The following ADAMTS19 variants were observed in gnomAD, a reference collection of about 807,000 sequenced individuals.
The protein encoded by ADAMTS19 is A disintegrin and metalloproteinase with thrombospondin motifs 19.
A neutral mutation model predicts 153.3 loss-of-function variants in ADAMTS19; 93 were observed. The observed-to-expected ratio is 0.61, with a 90% CI of 0.51 to 0.72. The LOEUF (loss-of-function observed/expected upper bound fraction) is 0.72. ADAMTS19 is among the 30% of genes least tolerant of loss of function. ADAMTS19 has a pLI of 0.00. For synonymous variants in ADAMTS19, 600 were observed against 556.6 expected (o/e 1.08, Z -1.10); for missense variants, 1,482 against 1,552.1 (o/e 0.95, Z 0.76).
Position 129,524,291 on chromosome 5 carries a change from A to G in ADAMTS19, c.914-1993A>G, listed in dbSNP as rs115043510. On this transcript the variant is annotated intron_variant, in intron 3 of 22. Transcript: ENST00000274487. ...AAACTGGACCCCTTCCTTACACACTATACAAAAATTCACTCAAGATAGATT... is the reference window on the plus strand; with the variant it reads ...AAACTGGACCCCTTCCTTACACACTGTACAAAAATTCACTCAAGATAGATT... Among the ~76,000 whole-genome samples, 471 of 152,256 alleles carry G rather than the reference A, an allele frequency of 3.1e-3. 2 individuals carry two copies. The highest frequency in any genetic ancestry group is 0.011 in the African/African-American group (457 of 41,554).
At chr5:129,697,441 C>G (rs1581236799) in intron 19 of ADAMTS19, among the ~76,000 whole-genome samples, 1 of 152,258 alleles carries the variant, frequency 6.6e-6, no homozygotes, top group East Asian at 1.9e-4. Context: ...CTCTAACAGT[C>G]CTACCCCAGG....
At chr5:129,547,988 C>T (rs999271967) in intron 6 of ADAMTS19, among the ~76,000 whole-genome samples, 2 of 150,790 alleles carry the variant, frequency 1.3e-5, no homozygotes, top group Admixed American at 6.6e-5. Context: ...AAAGCTGAAA[C>T]TGGATCCCTT....
intron 21 of ADAMTS19, among the ~76,000 whole-genome samples, chr5:129,716,273 C>T (rs886967646): frequency 2.0e-5 from 3 of 152,108 alleles, no homozygotes; most frequent in Non-Finnish European, 4.4e-5. Context: ...TCTCAGCTCA[C>T]TGCATGCCTC....
At chr5:129,619,603 G>C (rs1449925415) in intron 8 of ADAMTS19, among the ~76,000 whole-genome samples, 1 of 152,052 alleles carries the variant, frequency 6.6e-6, no homozygotes, top group Non-Finnish European at 1.5e-5. Flanking sequence ...TAGGCAGATT[G>C]TGTTTTAAAT....
At chr5:129,731,407 A>C (rs1054132964) in intron 21 of ADAMTS19, among the ~76,000 whole-genome samples, 2 of 152,194 alleles carry the variant, frequency 1.3e-5, no homozygotes, top group African/African-American at 4.8e-5. Context: ...ATACAAAGTT[A>C]AAGAAGTAAA....
rs559553455 is a variant in ADAMTS19 at position 129,552,869 on chromosome 5, A to G, written c.1372+962A>G. ...ACATGTATTATTCATAAAACTTATG[A>G]TGGAAAGTAGTTATAATAATGTAAA... On this transcript the variant is annotated intron_variant, in intron 7 of 22. Transcript: ENST00000274487. Among the ~76,000 whole-genome samples the G allele has an allele frequency of 4.6e-5, 7 of 152,208 alleles. No individual in the cohort carries two copies. The East Asian group carries it at 1.2e-3, about 25-fold the overall frequency.
chr5:129,497,278 C>T (rs1750955162), intron 2 of ADAMTS19, among the ~76,000 whole-genome samples: 1 of 152,054 alleles, frequency 6.6e-6, no homozygotes, highest in African/African-American at 2.4e-5. Flanking sequence ...CCTTCCTCCA[C>T]AATCTCCTTT....
intron 2 of ADAMTS19, among the ~76,000 whole-genome samples, chr5:129,482,131 T>C (rs1750434716): frequency 6.6e-6 from 1 of 152,198 alleles, no homozygotes; most frequent in Non-Finnish European, 1.5e-5. Context: ...CTAGGGTGTT[T>C]GAAAATACAA....
At position 129,735,035 on chromosome 5, in the gene ADAMTS19, C is replaced by T; in HGVS notation, c.3416C>T (p.Ala1139Val). ...GAATGTTTTTCCTCAGAAAAACCTG[C>T]AGCATACAGGCCATGCCATCTTCAA... ...GNECFSSEKPAAYRPCHLQPC... is the reference protein window; with the variant it reads ...GNECFSSEKPVAYRPCHLQPC... The change falls in exon 22 of 23, where the codon GCA becomes GTA. Residue 1139 changes from alanine (A) to valine (V), a missense_variant. Physicochemically the swap from Ala to Val is moderately conservative, Grantham distance 64. Around this residue, in one of 2 missense-constraint regions of ADAMTS19, gnomAD observed 616 missense variants for 724.4 expected, o/e 0.85. Transcript: ENST00000274487. 2 of 1,611,678 alleles carry T rather than the reference C, an allele frequency of 1.2e-6. No individual in the cohort carries two copies. Among genetic ancestry groups the T allele is most frequent in the African/African-American group, 1.3e-5 (1 of 74,758 alleles).
intron 7 of ADAMTS19, among the ~76,000 whole-genome samples, chr5:129,581,095 A>C (rs984710337): frequency 1.4e-4 from 22 of 152,232 alleles, no homozygotes; most frequent in Non-Finnish European, 2.6e-4. Flanking sequence ...GCTATTAATT[A>C]CTGCCTCAAT....
chr5:129,521,416 T>A lies in ADAMTS19; in HGVS notation c.914-4868T>A, dbSNP rs568410540. Among the ~76,000 whole-genome samples, 6 of 152,286 alleles carry A rather than the reference T, an allele frequency of 3.9e-5. No individual in the cohort carries two copies. In the East Asian group the frequency reaches 1.2e-3, roughly 29 times the overall value. ...CATATTTCACATTTAATATATGAAT[T>A]AGATATTGCAATAAGCAAGTTACAT... On this transcript the variant is annotated intron_variant, in intron 3 of 22. Transcript: ENST00000274487.
intron 2 of ADAMTS19, among the ~76,000 whole-genome samples, chr5:129,467,608 A>T (rs1245233078): frequency 6.6e-6 from 1 of 152,180 alleles, no homozygotes; most frequent in Non-Finnish European, 1.5e-5. Context: ...ACTTTAGAGG[A>T]TTGAATCAGT....
At chr5:129,522,332 C>CACATATATATATATATATAT (rs1309115957) in intron 3 of ADAMTS19, among the ~76,000 whole-genome samples, 5 of 58,624 alleles carry the variant, frequency 8.5e-5, no homozygotes, top group Non-Finnish European at 1.1e-4. Flanking sequence ...CACACACACA[C>CACATATATATATATATATAT]ATATATATAT....
chr5:129,508,673 C>T (rs956843090), intron 2 of ADAMTS19, among the ~76,000 whole-genome samples: 1 of 151,880 alleles, frequency 6.6e-6, no homozygotes, highest in Non-Finnish European at 1.5e-5. Flanking sequence ...ATATGAATTA[C>T]TTTATTAAAT....
intron 18 of ADAMTS19, among the ~76,000 whole-genome samples, chr5:129,690,617 A>G (rs1181373406): frequency 6.6e-6 from 1 of 152,210 alleles, no homozygotes; most frequent in East Asian, 1.9e-4. Flanking sequence ...AAAAAAGGAT[A>G]AAAAGTAAAT....
chr5:129,483,820 A>G (rs1750499718), intron 2 of ADAMTS19, among the ~76,000 whole-genome samples: 1 of 152,202 alleles, frequency 6.6e-6, no homozygotes, highest in African/African-American at 2.4e-5. Context: ...TAATTTCATA[A>G]TATACAACTA....
At chr5:129,695,076 G>A (rs1343857515) in intron 19 of ADAMTS19, among the ~76,000 whole-genome samples, 1 of 152,282 alleles carries the variant, frequency 6.6e-6, no homozygotes, top group Admixed American at 6.5e-5. Flanking sequence ...GGTTGCTGAG[G>A]AGTAATTAAG....
chr5:129,737,001 G>A, intron 22 of ADAMTS19, 66 bp from the exon 23 acceptor site: 1 of 1,395,490 alleles, frequency 7.2e-7, no homozygotes, highest in Non-Finnish European at 9.5e-7. Context: ...TTAAACGCTT[G>A]AAGTTGGTTT....
chr5:129,709,742 A>G (rs926973017), intron 21 of ADAMTS19, among the ~76,000 whole-genome samples: 1 of 152,314 alleles, frequency 6.6e-6, no homozygotes, highest in South Asian at 2.1e-4. Context: ...AGACAATACA[A>G]GATTTATTAC....
Sources: gnomAD v4.1 joint callset for allele counts (sites outside exome capture counted in the v4.1 genomes callset) on GRCh38, gnomAD v4.1.1 for gene constraint, gnomAD v4.1.1 regional missense constraint, MANE v1.5 for transcripts, NCBI Gene and HGNC (gene_info 2026-07-23, HGNC 2026-07-21) for gene names.